The following CACNA1E variants were observed in gnomAD, a reference collection of about 807,000 sequenced individuals.
The protein encoded by CACNA1E is calcium voltage-gated channel subunit alpha1 E, also known as voltage-dependent R-type calcium channel subunit alpha-1E.
Under a neutral mutation model 259.2 loss-of-function variants are expected in CACNA1E, and 40 were observed. That is an observed-to-expected ratio of 0.15 (90% CI 0.12 to 0.20). The LOEUF (loss-of-function observed/expected upper bound fraction) is 0.20, where lower values mean the gene tolerates loss of function less well. CACNA1E is among the 10% of genes least tolerant of loss of function. The probability of loss-of-function intolerance (pLI) is 1.00; values close to 1 mark genes in which losing one functional copy is unlikely to be tolerated. For missense variants in CACNA1E, 1,874 were observed against 3,040.1 expected, an observed-to-expected ratio of 0.62 and a Z score of 9.02; for synonymous variants, 1,104 against 1,138.5, an observed-to-expected ratio of 0.97 and a Z score of 0.61.
At chr1:181,672,701 T>C (rs1648933719) in intron 7 of CACNA1E, among the ~76,000 whole-genome samples, 1 of 152,220 alleles carries the variant, frequency 6.6e-6, no homozygotes, top group African/African-American at 2.4e-5. Flanking sequence ...CAGATACCTA[T>C]TGCAAGGTTG....
At chr1:181,367,827 T>G (rs1197890464) in intron 1 of CACNA1E, among the ~76,000 whole-genome samples, 5 of 152,154 alleles carry the variant, frequency 3.3e-5, no homozygotes, top group Non-Finnish European at 7.3e-5. Context: ...AATATGCCAA[T>G]TTATTTATAA....
chr1:181,393,677 C>T (rs964299902), intron 1 of CACNA1E, among the ~76,000 whole-genome samples: 10 of 152,124 alleles, frequency 6.6e-5, no homozygotes, highest in African/African-American at 1.2e-4. Context: ...AGGCTGGTCT[C>T]GAACTCCTGA....
At chr1:181,451,205 C>T (rs1661133331) in intron 2 of CACNA1E, among the ~76,000 whole-genome samples, 1 of 152,200 alleles carries the variant, frequency 6.6e-6, no homozygotes, top group South Asian at 2.1e-4. Flanking sequence ...TAACCCAGTA[C>T]CTAGGGCATT....
intron 7 of CACNA1E, among the ~76,000 whole-genome samples, chr1:181,669,208 C>T (rs1009125789): frequency 1.3e-5 from 2 of 152,234 alleles, no homozygotes; most frequent in African/African-American, 4.8e-5. Context: ...ATAGATTAAT[C>T]ACAAAAACTC....
rs976251618 is a variant in CACNA1E at position 181,744,230 on chromosome 1, T to C, written c.3719+4977T>C. ...TAGTCACTGAGATGGATAAGGTCCA[T>C]TGAATGCATTCAGCAGTAGCTGTAG... On this transcript the variant is annotated intron_variant, in intron 25 of 47. Coordinates refer to ENST00000367573, the MANE Select transcript of CACNA1E (RefSeq NM_001205293.3). Among the ~76,000 whole-genome samples, 28 of 152,360 alleles carry C rather than the reference T, an allele frequency of 1.8e-4. 1 individual carries two copies. Among genetic ancestry groups the C allele is most frequent in the Middle Eastern group, 3.4e-3 (1 of 294 alleles).
chr1:181,645,161 T>C (rs1318017146), intron 6 of CACNA1E, among the ~76,000 whole-genome samples: 1 of 152,032 alleles, frequency 6.6e-6, no homozygotes, highest in East Asian at 1.9e-4. Flanking sequence ...TGCAGGAAAG[T>C]GTTCAGATGG....
chr1:181,323,960 A>G lies in CACNA1E; in HGVS notation c.-15+5837A>G, dbSNP rs186715864. Among the ~76,000 whole-genome samples, 18 of 152,358 alleles carry G rather than the reference A, an allele frequency of 1.2e-4. No individual in the cohort carries two copies. The East Asian group carries it at 3.1e-3, about 26-fold the overall frequency. On this transcript the variant is annotated intron_variant, in intron 1 of 11. Coordinates refer to the CACNA1E transcript ENST00000524607. ...TGAGCCCTGGTCCAGAGCAGCTCCC[A>G]TGATGACTGGAGAGGAAGGAGCCTG...
chr1:181,807,405 C>A lies in CACNA1E; in HGVS notation c.*8571C>A, dbSNP rs1397864263. 1 of 151,982 alleles carries A rather than the reference C, an allele frequency of 6.6e-6. No individual in the cohort carries two copies. 9.4% of individuals were successfully genotyped at this position (151,982 alleles called of 1,614,324 possible). A position where few individuals can be genotyped will look rare whatever the true frequency, so the allele number is the denominator to read the frequency against. The stretch of plus-strand genomic sequence containing the variant: ...CGCCAAGTTCAGGAAGCAGCTGATT[C>A]CCAAGACTCTTAGGAGATACTGTCC... On this transcript the variant is annotated 3_prime_UTR_variant, in exon 48 of 48. Coordinates refer to ENST00000367573, the MANE Select transcript of CACNA1E (RefSeq NM_001205293.3).
chr1:181,577,633 G>T, intron 3 of CACNA1E, 133 bp from the exon 4 acceptor site: 1 of 538,564 alleles, frequency 1.9e-6, no homozygotes, highest in Middle Eastern at 4.9e-4. Context: ...CCCAAGCTCA[G>T]GTGCACCCAC....
chr1:181,556,073 G>A (rs181463964), intron 3 of CACNA1E, among the ~76,000 whole-genome samples: 4 of 152,232 alleles, frequency 2.6e-5, no homozygotes, highest in Non-Finnish European at 5.9e-5. Flanking sequence ...TGTTGTGCCA[G>A]TGGTGGTTAC....
chr1:181,502,509 T>G (rs1263243621), intron 1 of CACNA1E, among the ~76,000 whole-genome samples: 4 of 152,012 alleles, frequency 2.6e-5, no homozygotes, highest in African/African-American at 9.7e-5. Context: ...GCTTATCTCT[T>G]AACCTGGGCC....
chr1:181,672,590 G>A (rs1648921655), intron 7 of CACNA1E, among the ~76,000 whole-genome samples: 1 of 152,186 alleles, frequency 6.6e-6, no homozygotes, highest in Non-Finnish European at 1.5e-5. Context: ...CGAGGCCAAG[G>A]CCAAGTTGTA....
At chr1:181,511,584 G>A in intron 3 of CACNA1E, 74 bp downstream of exon 3, 1 of 1,546,414 alleles carries the variant, frequency 6.5e-7, no homozygotes, top group South Asian at 1.1e-5. Flanking sequence ...TGGGGGCAGG[G>A]AACCTGGGGT....
chr1:181,574,138 G>C (rs1409435667), intron 3 of CACNA1E, among the ~76,000 whole-genome samples: 1 of 152,160 alleles, frequency 6.6e-6, no homozygotes, highest in Non-Finnish European at 1.5e-5. Flanking sequence ...GGTAAGTGTG[G>C]GGAGAGGGGA....
At chr1:181,415,631 A>C (rs1020367395) in intron 2 of CACNA1E, among the ~76,000 whole-genome samples, 13 of 152,232 alleles carry the variant, frequency 8.5e-5, no homozygotes, top group African/African-American at 3.1e-4. Flanking sequence ...AGAAGGAAAC[A>C]CTGGCTTTGG....
chr1:181,512,034 C>T (rs776850520), intron 3 of CACNA1E, among the ~76,000 whole-genome samples: 7 of 152,150 alleles, frequency 4.6e-5, no homozygotes, highest in East Asian at 1.9e-4. Flanking sequence ...AGTATAAAAT[C>T]GAATCATATT....
At chr1:181,699,676 C>T (rs1249444041) in intron 7 of CACNA1E, among the ~76,000 whole-genome samples, 1 of 152,104 alleles carries the variant, frequency 6.6e-6, no homozygotes, top group Non-Finnish European at 1.5e-5. Context: ...CTCTTGCAGC[C>T]AACTGAAGGC....
intron 35 of CACNA1E, among the ~76,000 whole-genome samples, chr1:181,769,560 G>A (rs188442811): frequency 4.5e-4 from 69 of 151,756 alleles, no homozygotes; most frequent in Middle Eastern, 3.4e-3. Context: ...ACAGGTGTGA[G>A]CCACCATGCC....
At chr1:181,648,966 A>G (rs969696881) in intron 6 of CACNA1E, among the ~76,000 whole-genome samples, 1 of 152,246 alleles carries the variant, frequency 6.6e-6, no homozygotes, top group African/African-American at 2.4e-5. Flanking sequence ...CTGGTGAACC[A>G]TCAGAGCTAG....
Sources: allele counts gnomAD v4.1 joint callset (sites outside exome capture counted in the v4.1 genomes callset), GRCh38; gene constraint gnomAD v4.1.1; transcripts MANE v1.5; gene names NCBI Gene and HGNC (gene_info 2026-07-23, HGNC 2026-07-21).